Variants in HDAC4 observed in about 807,000 individuals in gnomAD.
HDAC4 encodes the protein histone deacetylase A.
HDAC4 carries 16 observed loss-of-function variants against 135.1 expected under a neutral mutation model. The observed-to-expected ratio is 0.12, with a 90% CI of 0.08 to 0.18. HDAC4 has a LOEUF of 0.18. HDAC4 is among the 10% of genes least tolerant of loss of function. The pLI is 1.00. For missense variants in HDAC4, 1,143 were observed against 1,511.8 expected (o/e 0.76, Z 4.05); for synonymous variants, 685 against 653.4 (o/e 1.05, Z -0.74).
intron 15 of HDAC4, 55 bp downstream of exon 15, chr2:239,107,995 T>A (rs1469748094): frequency 1.2e-6 from 2 of 1,605,166 alleles, no homozygotes; most frequent in Admixed American, 1.7e-5. Context: ...CCCACGAGGG[T>A]CCCCTCTAAT....
At position 239,331,089 on chromosome 2, in the gene HDAC4, C is replaced by T. The variant is rs148453540; in HGVS notation, c.22+21589G>A. On this transcript the variant is annotated intron_variant, in intron 2 of 26. Coordinates refer to ENST00000543185, the MANE Select transcript of HDAC4 (RefSeq NM_001378414.1). This position sits in a 1 kb window ranked among gnomAD's most constrained non-coding sequence, Gnocchi z 4.5. ...ATATGCCTGAATACAGCCCAGAGGA[C>T]ATACTGAGAGAGCGGCCAAGTGAAG... Among the ~76,000 whole-genome samples, 180 of 152,330 alleles carry T rather than the reference C, an allele frequency of 1.2e-3. No individual in the cohort carries two copies. Among genetic ancestry groups the T allele is most frequent in the African/African-American group, 3.6e-3 (150 of 41,572 alleles).
At chr2:239,085,528 G>A (rs921650714) in intron 19 of HDAC4, among the ~76,000 whole-genome samples, 7 of 152,244 alleles carry the variant, frequency 4.6e-5, no homozygotes, top group Non-Finnish European at 1.0e-4. Flanking sequence ...CTCCTCTGAG[G>A]TTTATTATTT....
intron 25 of HDAC4, among the ~76,000 whole-genome samples, chr2:239,054,130 C>G (rs2031383347): frequency 6.6e-6 from 1 of 152,134 alleles, no homozygotes; most frequent in African/African-American, 2.4e-5. Context: ...AGGACTCCCT[C>G]ACACAGGGAA....
chr2:239,128,301 G>C (rs1221765253), intron 11 of HDAC4, among the ~76,000 whole-genome samples: 1 of 89,026 alleles, frequency 1.1e-5, no homozygotes, highest in Non-Finnish European at 2.8e-5. Context: ...CTAGCACTTT[G>C]AGAGGCCGAG....
At chr2:239,377,372 C>CT (rs1695085789) in intron 1 of HDAC4, among the ~76,000 whole-genome samples, 1 of 152,240 alleles carries the variant, frequency 6.6e-6, no homozygotes, top group Admixed American at 6.5e-5. Context: ...CCGTGACTCT[C>CT]TGTGTTGCCA....
chr2:239,086,654 C>T (rs2035993281), intron 19 of HDAC4, among the ~76,000 whole-genome samples: 1 of 152,356 alleles, frequency 6.6e-6, no homozygotes, highest in African/African-American at 2.4e-5. Context: ...GACAGGGAGG[C>T]CCTTTCCCGG....
chr2:239,093,791 T>C (rs1156869433), intron 17 of HDAC4: 2 of 303,020 alleles, frequency 6.6e-6, no homozygotes, highest in Non-Finnish European at 9.7e-6. Context: ...TTGCAAATGA[T>C]AAATTCTGCC....
At chr2:239,218,252 A>G (rs2046754162) in intron 3 of HDAC4, among the ~76,000 whole-genome samples, 1 of 152,208 alleles carries the variant, frequency 6.6e-6, no homozygotes. Flanking sequence ...ACAAATCCAT[A>G]CTGGTACCAA....
At chr2:239,237,040 C>T (rs531180447) in intron 2 of HDAC4, among the ~76,000 whole-genome samples, 24 of 152,212 alleles carry the variant, frequency 1.6e-4, no homozygotes, top group African/African-American at 4.1e-4. Flanking sequence ...CAGATAGTGA[C>T]AAACGGTCTG....
At chr2:239,169,889 C>T (rs1400326202) in intron 5 of HDAC4, among the ~76,000 whole-genome samples, 1 of 152,174 alleles carries the variant, frequency 6.6e-6, no homozygotes, top group Non-Finnish European at 1.5e-5. Flanking sequence ...ATTAAGTCAC[C>T]ACCTTATCTA....
At chr2:239,188,978 A>C (rs2153040406) in intron 4 of HDAC4, among the ~76,000 whole-genome samples, 1 of 152,364 alleles carries the variant, frequency 6.6e-6, no homozygotes, top group South Asian at 2.1e-4. Flanking sequence ...CCATCAGCGA[A>C]GCTGCTCCAG....
intron 7 of HDAC4, among the ~76,000 whole-genome samples, chr2:239,148,861 G>A (rs1332546739): frequency 2.0e-5 from 3 of 152,188 alleles, no homozygotes; most frequent in South Asian, 2.1e-4. Flanking sequence ...GGGTCTCCTA[G>A]GTCTGCTGAA....
At chr2:239,080,824 T>A in intron 22 of HDAC4, 1 of 536,828 alleles carries the variant, frequency 1.9e-6, no homozygotes, top group Non-Finnish European at 3.3e-6. Flanking sequence ...CCTGCCTCTG[T>A]CTCCATCACT....
chr2:239,366,695 G>A (rs564498944), intron 1 of HDAC4, among the ~76,000 whole-genome samples: 20 of 152,308 alleles, frequency 1.3e-4, no homozygotes, highest in African/African-American at 4.8e-4. Flanking sequence ...CTTACGGTGT[G>A]AAACGCTGGG....
chr2:239,276,409 G>T (rs918475391), intron 2 of HDAC4, among the ~76,000 whole-genome samples: 3 of 152,204 alleles, frequency 2.0e-5, no homozygotes, highest in African/African-American at 7.2e-5. Context: ...GGGCAGGAGT[G>T]GGACAGGCAC....
intron 6 of HDAC4, chr2:239,162,355 C>CA (rs1559536866): frequency 2.2e-6 from 1 of 456,526 alleles, no homozygotes; most frequent in East Asian, 7.0e-5. Flanking sequence ...CCTGGCTCCT[C>CA]ATCCTGCCCT....
chr2:239,228,222 C>A (rs2047352224), intron 3 of HDAC4, among the ~76,000 whole-genome samples: 1 of 152,118 alleles, frequency 6.6e-6, no homozygotes, highest in Non-Finnish European at 1.5e-5. Context: ...CCAAGCAGCC[C>A]CGGGACACCA....
Position 239,391,010 on chromosome 2 carries a change from C to T in HDAC4, c.-220+9968G>A, listed in dbSNP as rs141822574. On this transcript the variant is annotated intron_variant, in intron 1 of 26. Transcript: ENST00000543185. ...CCAGCACACTGGGAAGCATGACAGA[C>T]GGCAAAGCCGTGGCACAGTGTCCAT... 7.4e-4 allele frequency among the ~76,000 whole-genome samples: 112 copies of T among 152,366 alleles called. 2 individuals are homozygous for T. The East Asian group carries it at 0.017, about 23-fold the overall frequency.
intron 3 of HDAC4, among the ~76,000 whole-genome samples, chr2:239,223,010 C>A (rs150334580): frequency 3.7e-4 from 56 of 152,284 alleles, no homozygotes; most frequent in African/African-American, 1.3e-3. Context: ...ATCCAAATAC[C>A]CTAAACCCAA....
Sources: allele counts gnomAD v4.1 joint callset (sites outside exome capture counted in the v4.1 genomes callset), GRCh38; gene constraint gnomAD v4.1.1; non-coding constraint Gnocchi (gnomAD v3.1); transcripts MANE v1.5; gene names NCBI Gene and HGNC (gene_info 2026-07-23, HGNC 2026-07-21).